SLIT2: variants seen among roughly 807,000 people sequenced by gnomAD.
The protein encoded by SLIT2 is slit guidance ligand 2.
Under a neutral mutation model 185.7 loss-of-function variants are expected in SLIT2, and 41 were observed. The ratio of observed to expected loss-of-function variants is 0.22; its 90% confidence interval spans 0.17 to 0.29. SLIT2 has a LOEUF of 0.29. SLIT2 is among the 10% of genes least tolerant of loss of function. SLIT2 has a pLI of 1.00. For missense variants in SLIT2, 1,571 were observed against 1,909.0 expected (o/e 0.82, Z 3.30); for synonymous variants, 693 against 680.2 (o/e 1.02, Z -0.29).
chr4:20,342,356 T>C (rs1721025625), intron 4 of SLIT2, among the ~76,000 whole-genome samples: 1 of 152,114 alleles, frequency 6.6e-6, no homozygotes, highest in Non-Finnish European at 1.5e-5. Context: ...AATACTAAAA[T>C]GGAAAAATGA....
At chr4:20,518,439 A>G (rs1257271030) in intron 11 of SLIT2, among the ~76,000 whole-genome samples, 1 of 137,966 alleles carries the variant, frequency 7.2e-6, no homozygotes, top group African/African-American at 2.7e-5. Flanking sequence ...TTTTTAGTAG[A>G]GATGGGGTTT....
chr4:20,327,361 G>A (rs374635013), intron 4 of SLIT2, among the ~76,000 whole-genome samples: 2 of 151,986 alleles, frequency 1.3e-5, no homozygotes, highest in East Asian at 3.9e-4. Context: ...ATAATACAGT[G>A]TAAATGAGTT....
At chr4:20,562,724 T>C (rs1724797006) in intron 26 of SLIT2, among the ~76,000 whole-genome samples, 1 of 151,844 alleles carries the variant, frequency 6.6e-6, no homozygotes, top group Non-Finnish European at 1.5e-5. Flanking sequence ...AGAAATGCCA[T>C]AATGTAATTG....
At chr4:20,461,778 T>C (rs1713742131) in intron 4 of SLIT2, among the ~76,000 whole-genome samples, 1 of 152,198 alleles carries the variant, frequency 6.6e-6, no homozygotes, top group Non-Finnish European at 1.5e-5. Context: ...TATCCTTAAC[T>C]GAGATGAGAA....
At chr4:20,490,477 G>T (rs1306003185) in intron 8 of SLIT2, among the ~76,000 whole-genome samples, 1 of 152,038 alleles carries the variant, frequency 6.6e-6, no homozygotes, top group Non-Finnish European at 1.5e-5. Context: ...ATGTATGGTT[G>T]GTTCTGCTTC....
intron 11 of SLIT2, among the ~76,000 whole-genome samples, chr4:20,511,547 G>A (rs1006222367): frequency 6.2e-4 from 87 of 140,408 alleles, no homozygotes; most frequent in African/African-American, 2.0e-3. Flanking sequence ...TCAGCCTCCC[G>A]GTAGCTGGGA....
chr4:20,401,423 G>T (rs752906272), intron 4 of SLIT2, among the ~76,000 whole-genome samples: 5 of 151,856 alleles, frequency 3.3e-5, no homozygotes, highest in Non-Finnish European at 7.4e-5. Context: ...TGCTTCATTT[G>T]CTTCTCCTCT....
chr4:20,537,853 G>A (rs1722438313), intron 18 of SLIT2, among the ~76,000 whole-genome samples: 1 of 152,100 alleles, frequency 6.6e-6, no homozygotes. Flanking sequence ...ACATATTTCA[G>A]CCAGTCATTG....
intron 22 of SLIT2, among the ~76,000 whole-genome samples, chr4:20,546,527 T>A (rs1221206033): frequency 6.6e-6 from 1 of 152,178 alleles, no homozygotes; most frequent in Non-Finnish European, 1.5e-5. Context: ...TGTTTGTTTC[T>A]TATACAAAGC....
intron 6 of SLIT2, 38 bp from the exon 7 acceptor site, chr4:20,486,162 G>C (rs1046694190): frequency 1.6e-6 from 2 of 1,224,190 alleles, no homozygotes; most frequent in African/African-American, 3.0e-5. Flanking sequence ...AATCAATTTT[G>C]TATCTAAAAA....
chr4:20,392,727 A>G (rs764045037), intron 4 of SLIT2, among the ~76,000 whole-genome samples: 18 of 152,042 alleles, frequency 1.2e-4, no homozygotes, highest in African/African-American at 4.3e-4. Context: ...AAAAACTAGA[A>G]CACAAACACA....
At position 20,252,150 on chromosome 4, in the gene SLIT2, G is replaced by T. The variant is rs1312067153; in HGVS notation, c.-1666G>T. Among the ~76,000 whole-genome samples the T allele has an allele frequency of 6.6e-6, 1 of 151,348 alleles. No individual in the cohort carries two copies. The highest frequency in any genetic ancestry group is 1.5e-5 in the Non-Finnish European group (1 of 67,792). On this transcript the variant is annotated 5_prime_UTR_variant, in exon 1 of 37. In the 5' UTR this introduces an upstream ATG that the reference lacks. Coordinates refer to ENST00000504154, the MANE Select transcript of SLIT2 (RefSeq NM_004787.4). ...CCGGGGGCCCGCAGCCGGCTCCGGA[G>T]GCGCGGGCCGGGTTTTTGTTTGGCT...
chr4:20,527,066 G>T (rs1721360695), intron 15 of SLIT2, among the ~76,000 whole-genome samples: 1 of 152,152 alleles, frequency 6.6e-6, no homozygotes, highest in African/African-American at 2.4e-5. Flanking sequence ...CTTCTTATGA[G>T]ATTCTGATTC....
intron 4 of SLIT2, among the ~76,000 whole-genome samples, chr4:20,332,325 C>G (rs966496917): frequency 1.1e-4 from 17 of 152,196 alleles, no homozygotes; most frequent in Admixed American, 1.0e-3. Flanking sequence ...TTGGGGAGGA[C>G]TATTTTTCAT....
intron 29 of SLIT2, chr4:20,573,402 A>G (rs921373227): frequency 1.3e-5 from 9 of 667,282 alleles, no homozygotes; most frequent in African/African-American, 1.2e-4. Context: ...CAAATCAGTC[A>G]TTCAGATGTT....
At chr4:20,449,883 C>T (rs1398477865) in intron 4 of SLIT2, among the ~76,000 whole-genome samples, 7 of 151,752 alleles carry the variant, frequency 4.6e-5, no homozygotes, top group South Asian at 4.2e-4. Flanking sequence ...TGAAACTATT[C>T]GATTTATAAC....
intron 4 of SLIT2, among the ~76,000 whole-genome samples, chr4:20,402,631 T>G (rs1451401396): frequency 6.6e-6 from 1 of 151,892 alleles, no homozygotes; most frequent in African/African-American, 2.4e-5. Flanking sequence ...AATTTTAACA[T>G]GTGCATTACC....
At chr4:20,422,765 G>T (rs1728260269) in intron 4 of SLIT2, among the ~76,000 whole-genome samples, 1 of 152,056 alleles carries the variant, frequency 6.6e-6, no homozygotes, top group Non-Finnish European at 1.5e-5. Flanking sequence ...AACGAGGCAG[G>T]ATTTTTGAGC....
At chr4:20,279,803 C>G (rs570284989) in intron 4 of SLIT2, among the ~76,000 whole-genome samples, 1 of 152,016 alleles carries the variant, frequency 6.6e-6, no homozygotes. Context: ...GTTTCCTGTC[C>G]CATATAATGG....
Sources: allele counts gnomAD v4.1 joint callset (sites outside exome capture counted in the v4.1 genomes callset), GRCh38; gene constraint gnomAD v4.1.1; transcripts MANE v1.5; gene names NCBI Gene and HGNC (gene_info 2026-07-23, HGNC 2026-07-21).